The following MACROD2 variants were observed in gnomAD, a reference collection of about 807,000 sequenced individuals.
MACROD2 encodes the protein ADP-ribose glycohydrolase MACROD2.
A neutral mutation model predicts 70.4 loss-of-function variants in MACROD2; 36 were observed. The ratio of observed to expected loss-of-function variants is 0.51; its 90% CI spans 0.39 to 0.68. MACROD2 has a LOEUF of 0.68. Ranked by LOEUF, MACROD2 falls within the 30% of genes least tolerant of loss-of-function variation. The pLI is 0.00. For missense variants in MACROD2, 496 were observed against 538.4 expected, an observed-to-expected ratio of 0.92 and a Z score of 0.78; for synonymous variants, 172 against 178.8, an observed-to-expected ratio of 0.96 and a Z score of 0.30.
intron 6 of MACROD2, among the ~76,000 whole-genome samples, chr20:15,270,325 G>T (rs1046975992): frequency 6.6e-6 from 1 of 152,114 alleles, no homozygotes; most frequent in Non-Finnish European, 1.5e-5. Flanking sequence ...GCAACTACTT[G>T]TATGAATTTT....
rs10626103 is a variant in MACROD2 at position 15,936,671 on chromosome 20, G to GTATATATATATATATATATATATATATA, written c.839-788_839-787insATATATATATATATATATATATATATAT. ...TTTTGTCCATAATGTGTATATGTGT[G>GTATATATATATATATATATATATATATA]TATATATATATATATATTCATTTTC... On this transcript the variant is annotated intron_variant, in intron 11 of 17. Transcript: ENST00000684519. Among the ~76,000 whole-genome samples, 972 of 142,730 alleles carry GTATATATATATATATATATATATATATA rather than the reference G, an allele frequency of 6.8e-3. 6 individuals are homozygous for GTATATATATATATATATATATATATATA. Among genetic ancestry groups the GTATATATATATATATATATATATATATA allele is most frequent in the East Asian group, 0.032 (145 of 4,568 alleles). 93.6% of individuals were successfully genotyped at this position (142,730 alleles called of 152,430 possible).
intron 6 of MACROD2, among the ~76,000 whole-genome samples, chr20:15,339,407 CATTG>C (rs2078083348): frequency 2.6e-5 from 4 of 151,824 alleles, no homozygotes; most frequent in Admixed American, 2.0e-4. Context: ...ACATATTACT[CATTG>C]ACTGGTAAGT....
At chr20:14,721,455 C>T (rs2071469195) in intron 5 of MACROD2, among the ~76,000 whole-genome samples, 1 of 151,992 alleles carries the variant, frequency 6.6e-6, no homozygotes, top group Non-Finnish European at 1.5e-5. Context: ...ACATTTAGAC[C>T]AATCTAGATG....
chr20:15,453,347 C>T (rs1454144997), intron 7 of MACROD2, among the ~76,000 whole-genome samples: 2 of 152,088 alleles, frequency 1.3e-5, no homozygotes, highest in African/African-American at 4.8e-5. Flanking sequence ...CCCTCCCCCT[C>T]CAACCTCCTA....
rs138191347 is a variant in MACROD2, at chr20:14,571,884, T to C, written c.301+78376T>C. Among the ~76,000 whole-genome samples, 656 of 152,240 alleles carry C rather than the reference T, an allele frequency of 4.3e-3. 5 individuals carry two copies. The Middle Eastern group carries it at 0.044, about 10-fold the overall frequency. ...CCTAATACCTTGTCTTTATGTATTA[T>C]GTAATTGTTTTTATTCTAGGAGAAG... On this transcript the variant is annotated intron_variant, in intron 4 of 17. Coordinates refer to ENST00000684519, the MANE Select transcript of MACROD2 (RefSeq NM_001351661.2).
intron 12 of MACROD2, 137 bp from the exon 13 acceptor site, chr20:15,967,416 A>T: frequency 4.7e-6 from 3 of 637,432 alleles, no homozygotes; most frequent in Non-Finnish European, 7.6e-6. Flanking sequence ...ATTGGCAAAC[A>T]TATGTATTTG....
chr20:14,443,935 G>C (rs6110293), intron 3 of MACROD2, among the ~76,000 whole-genome samples: 65,671 of 151,974 alleles, frequency 0.43, 15,938 homozygotes, highest in East Asian at 0.82. Flanking sequence ...TGCTCACTAA[G>C]TGGTTGCTAC....
At chr20:15,418,456 A>G (rs426845) in intron 6 of MACROD2, among the ~76,000 whole-genome samples, 100,114 of 152,084 alleles carry the variant, frequency 0.66, 33,915 homozygotes, top group African/African-American at 0.79. Flanking sequence ...CACCTGGCCC[A>G]TAGGTTCTTT....
At chr20:15,482,960 G>A (rs890432637) in intron 7 of MACROD2, among the ~76,000 whole-genome samples, 1 of 152,066 alleles carries the variant, frequency 6.6e-6, no homozygotes, top group Admixed American at 6.5e-5. Context: ...GTATATTTAG[G>A]ATAAAAATCC....
chr20:14,037,686 G>A (rs2053332792), intron 2 of MACROD2, among the ~76,000 whole-genome samples: 1 of 152,158 alleles, frequency 6.6e-6, no homozygotes, highest in African/African-American at 2.4e-5. Context: ...GATTGATGAA[G>A]GTTGGTGATA....
intron 3 of MACROD2, among the ~76,000 whole-genome samples, chr20:14,095,818 T>A (rs538159699): frequency 1.4e-4 from 22 of 152,352 alleles, no homozygotes; most frequent in African/African-American, 5.0e-4. Flanking sequence ...GTTAGTGAAG[T>A]GCTGACAGTC....
intron 8 of MACROD2, among the ~76,000 whole-genome samples, chr20:15,648,449 G>A (rs2049587269): frequency 6.6e-6 from 1 of 152,034 alleles, no homozygotes; most frequent in Non-Finnish European, 1.5e-5. Context: ...CATCTCTGTG[G>A]CAATGTCCAT....
chr20:14,993,210 T>A (rs1203608893), intron 5 of MACROD2, among the ~76,000 whole-genome samples: 2 of 152,098 alleles, frequency 1.3e-5, no homozygotes, highest in Non-Finnish European at 2.9e-5. Flanking sequence ...TTGTTTACAG[T>A]GGGATTTCAG....
chr20:15,282,004 C>A (rs1257015965), intron 6 of MACROD2, among the ~76,000 whole-genome samples: 1 of 152,256 alleles, frequency 6.6e-6, no homozygotes, highest in Non-Finnish European at 1.5e-5. Context: ...AGGCCCAACA[C>A]CATGTGTAAG....
At chr20:14,710,323 CT>C (rs1397051608) in intron 5 of MACROD2, among the ~76,000 whole-genome samples, 1 of 152,154 alleles carries the variant, frequency 6.6e-6, no homozygotes, top group African/African-American at 2.4e-5. Context: ...TTTGCTCAGT[CT>C]TGGCCTGGTG....
chr20:14,878,953 C>T (rs1213921438), intron 5 of MACROD2, among the ~76,000 whole-genome samples: 1 of 152,100 alleles, frequency 6.6e-6, no homozygotes. Context: ...TAATACCCCA[C>T]CTTCATTAAA....
In MACROD2 at chr20:15,691,278, A is replaced by C. The variant is rs962781327; in HGVS notation, c.646-171467A>C. Reference sequence around the variant, plus strand: ...ATAGCCTTGATTTTTCAATCTGCTGAACAGGATGCTATTATCTACCTCTCA... The same window carrying C: ...ATAGCCTTGATTTTTCAATCTGCTGCACAGGATGCTATTATCTACCTCTCA... On this transcript the variant is annotated intron_variant, in intron 8 of 17. Transcript: ENST00000684519. Among the ~76,000 whole-genome samples, 8 of 152,346 alleles carry C rather than the reference A, an allele frequency of 5.3e-5. No individual in the cohort carries two copies. In the East Asian group the frequency reaches 1.5e-3, roughly 29 times the overall value.
chr20:14,100,636 T>A (rs1016693306), intron 3 of MACROD2, among the ~76,000 whole-genome samples: 15 of 141,306 alleles, frequency 1.1e-4, no homozygotes, highest in Admixed American at 2.2e-4. Context: ...ATATATATTT[T>A]TTTTATTTTA....
rs935534407 is a variant in MACROD2 at position 15,588,474 on chromosome 20, CA to C, written c.645+88635del. Among the ~76,000 whole-genome samples the C allele has an allele frequency of 1.1e-3, 162 of 151,884 alleles. 1 individual carries two copies. Among genetic ancestry groups the C allele is most frequent in the African/African-American group, 3.7e-3 (155 of 41,450 alleles). ...TCTGCAATTGGCTTGAATTTCTCCTCAAAAAAAATGGGGTTTTCTTTTCTAC... is the reference window on the plus strand; with the variant it reads ...TCTGCAATTGGCTTGAATTTCTCCTCAAAAAAATGGGGTTTTCTTTTCTAC... On this transcript the variant is annotated intron_variant, in intron 8 of 17. Transcript: ENST00000684519.
Sources: allele counts gnomAD v4.1 joint callset (sites outside exome capture counted in the v4.1 genomes callset), GRCh38; gene constraint gnomAD v4.1.1; transcripts MANE v1.5; gene names NCBI Gene and HGNC (gene_info 2026-07-23, HGNC 2026-07-21).